TMEM150C: variants seen among roughly 807,000 people sequenced by gnomAD.
The protein encoded by TMEM150C is tentonin 3.
TMEM150C carries 10 observed loss-of-function variants against 29.9 expected under a neutral mutation model. The ratio of observed to expected loss-of-function variants is 0.33; its 90% CI spans 0.21 to 0.57. TMEM150C has a LOEUF of 0.57. Ranked by LOEUF, TMEM150C falls within the 20% of genes least tolerant of loss-of-function variation. TMEM150C has a pLI of 0.88. For synonymous variants in TMEM150C, 101 were observed against 112.5 expected (o/e 0.90, Z 0.64); for missense variants, 251 against 303.6 (o/e 0.83, Z 1.29).
chr4:82,562,205 C>T (rs1249344687), upstream of TMEM150C: 3 of 1,285,930 alleles, frequency 2.3e-6, no homozygotes, highest in Non-Finnish European at 3.0e-6. Context: ...CGCTTCCTTC[C>T]GAAGCCTTTG....
chr4:82,560,734 C>G (rs1159008493), intron 1 of TMEM150C, among the ~76,000 whole-genome samples: 1 of 152,214 alleles, frequency 6.6e-6, no homozygotes, highest in Non-Finnish European at 1.5e-5. Flanking sequence ...TTTCGATGAA[C>G]TGCTGCCCAG....
At chr4:82,504,001 C>A (rs1326517507) in intron 2 of TMEM150C, among the ~76,000 whole-genome samples, 1 of 152,110 alleles carries the variant, frequency 6.6e-6, no homozygotes, top group Non-Finnish European at 1.5e-5. Context: ...AACCTGTTTA[C>A]AAAATGTTCA....
Position 82,485,114 on chromosome 4 carries a change from T to A in TMEM150C, c.*397A>T. On this transcript the variant is annotated 3_prime_UTR_variant, in exon 8 of 8. Coordinates refer to ENST00000449862, the MANE Select transcript of TMEM150C (RefSeq NM_001080506.3). ...ATTCAGAACTTCCTCACGAGCTGGTTCCAAGCCCTTTGGACCTGAAGGCAA... is the reference window on the plus strand; with the variant it reads ...ATTCAGAACTTCCTCACGAGCTGGTACCAAGCCCTTTGGACCTGAAGGCAA... 5.2e-6 allele frequency: 1 copy of A among 190,526 alleles called. No homozygotes were observed. Among genetic ancestry groups the A allele is most frequent in the Non-Finnish European group, 1.1e-5 (1 of 91,702 alleles). The allele number at this position is 190,526 out of a possible 1,614,324, so 11.8% of individuals were successfully genotyped here.
At chr4:82,508,969 A>C (rs1485386680) in intron 1 of TMEM150C, among the ~76,000 whole-genome samples, 1 of 152,216 alleles carries the variant, frequency 6.6e-6, no homozygotes, top group Non-Finnish European at 1.5e-5. Context: ...TCTGGCATTT[A>C]GATTTGCTTT....
intron 1 of TMEM150C, among the ~76,000 whole-genome samples, chr4:82,508,847 A>G (rs890532341): frequency 1.3e-5 from 2 of 152,218 alleles, no homozygotes; most frequent in African/African-American, 4.8e-5. Flanking sequence ...AAAATTAAAG[A>G]TAATTCTTCC....
intron 2 of TMEM150C, 84 bp from the exon 3 acceptor site, chr4:82,503,196 T>A (rs1251294291): frequency 7.6e-6 from 7 of 916,338 alleles, no homozygotes; most frequent in Non-Finnish European, 1.2e-5. Context: ...CTAACTGCAC[T>A]AATTCATATT....
At chr4:82,528,830 GT>G (rs1724741571) in intron 1 of TMEM150C, among the ~76,000 whole-genome samples, 1 of 151,864 alleles carries the variant, frequency 6.6e-6, no homozygotes, top group Non-Finnish European at 1.5e-5. Context: ...TCCTGACCTC[GT>G]GATCTGCCCG....
At chr4:82,492,853 T>A (rs1416955007) in intron 6 of TMEM150C, among the ~76,000 whole-genome samples, 1 of 114,562 alleles carries the variant, frequency 8.7e-6, no homozygotes, top group Non-Finnish European at 1.7e-5. Flanking sequence ...AAACCTAGCG[T>A]ATATGTTTGT....
chr4:82,524,985 A>G (rs1321532777), intron 1 of TMEM150C, among the ~76,000 whole-genome samples: 1 of 152,222 alleles, frequency 6.6e-6, no homozygotes, highest in Non-Finnish European at 1.5e-5. Flanking sequence ...GGATTACAGC[A>G]TGGCTATAGT....
chr4:82,527,540 G>A (rs189713257), intron 1 of TMEM150C, among the ~76,000 whole-genome samples: 61 of 152,248 alleles, frequency 4.0e-4, no homozygotes, highest in African/African-American at 1.3e-3. Context: ...CAAGGCTGAC[G>A]AGGGCTGACC....
chr4:82,533,968 G>A (rs1724929848), intron 1 of TMEM150C, among the ~76,000 whole-genome samples: 1 of 152,164 alleles, frequency 6.6e-6, no homozygotes, highest in Admixed American at 6.5e-5. Context: ...ACCAAAGTTG[G>A]TGCGATCCCT....
intron 1 of TMEM150C, among the ~76,000 whole-genome samples, chr4:82,539,206 A>G (rs1370279817): frequency 6.6e-6 from 1 of 152,222 alleles, no homozygotes; most frequent in East Asian, 1.9e-4. Context: ...ACCATCCAGC[A>G]TCATTCTTTG....
intron 1 of TMEM150C, among the ~76,000 whole-genome samples, chr4:82,521,906 T>A (rs1724500375): frequency 6.6e-6 from 1 of 152,000 alleles, no homozygotes; most frequent in South Asian, 2.1e-4. Context: ...AGGATGAAAT[T>A]TGCTCTTTGG....
intron 1 of TMEM150C, among the ~76,000 whole-genome samples, chr4:82,539,696 C>T (rs1156781125): frequency 6.6e-6 from 1 of 152,182 alleles, no homozygotes; most frequent in Non-Finnish European, 1.5e-5. Context: ...TCGTGATCTG[C>T]CCGCTTCTGC....
chr4:82,530,201 G>A (rs141065858), intron 1 of TMEM150C, among the ~76,000 whole-genome samples: 1 of 152,050 alleles, frequency 6.6e-6, no homozygotes, highest in Non-Finnish European at 1.5e-5. Flanking sequence ...ACAGGGGAGT[G>A]AAGAGATATG....
chr4:82,489,674 A>G (rs967965541), intron 7 of TMEM150C, among the ~76,000 whole-genome samples: 2 of 152,192 alleles, frequency 1.3e-5, no homozygotes, highest in African/African-American at 4.8e-5. Flanking sequence ...GAGCTAATAA[A>G]TGAAATGAAA....
intron 1 of TMEM150C, among the ~76,000 whole-genome samples, chr4:82,539,065 T>C (rs1043746963): frequency 3.3e-5 from 5 of 152,046 alleles, no homozygotes; most frequent in African/African-American, 1.2e-4. Flanking sequence ...AGACCCTGTC[T>C]CAAACAAACA....
chr4:82,544,408 C>G (rs957598494), intron 1 of TMEM150C, among the ~76,000 whole-genome samples: 2 of 152,176 alleles, frequency 1.3e-5, no homozygotes, highest in Non-Finnish European at 2.9e-5. Flanking sequence ...ATTGAACATG[C>G]CTGATGGGCC....
At chr4:82,515,434 C>G (rs1188951991) in intron 1 of TMEM150C, among the ~76,000 whole-genome samples, 1 of 152,054 alleles carries the variant, frequency 6.6e-6, no homozygotes, top group Admixed American at 6.5e-5. Flanking sequence ...ATGACTGACT[C>G]AGCAGTTCTA....
Sources: allele counts gnomAD v4.1 joint callset (sites outside exome capture counted in the v4.1 genomes callset), GRCh38; gene constraint gnomAD v4.1.1; transcripts MANE v1.5; gene names NCBI Gene and HGNC (gene_info 2026-07-23, HGNC 2026-07-21).